APBB2: variants seen among roughly 807,000 people sequenced by gnomAD.
APBB2 encodes Fe65-like 1.
Under a neutral mutation model 82.5 loss-of-function variants are expected in APBB2, and 38 were observed. The ratio of observed to expected loss-of-function variants is 0.46; its 90% CI spans 0.36 to 0.60. APBB2 has a LOEUF of 0.60. Ranked by LOEUF, APBB2 falls within the 20% of genes least tolerant of loss-of-function variation. APBB2 has a pLI of 0.00. For missense variants in APBB2, 772 were observed against 972.3 expected, an observed-to-expected ratio of 0.79 and a Z score of 2.74; for synonymous variants, 341 against 368.2, an observed-to-expected ratio of 0.93 and a Z score of 0.85.
In APBB2 at chr4:40,826,083, CTA is replaced by C. The variant is rs1749836231; in HGVS notation, c.1733-115_1733-114del. On this transcript the variant is annotated intron_variant, in intron 14 of 17. Coordinates refer to ENST00000508593, the MANE Select transcript of APBB2 (RefSeq NM_004307.2). The surrounding 1 kb of genome is among the most constrained non-coding windows in gnomAD (Gnocchi z 4.5). Reference sequence around the variant, plus strand: ...AGGACACGCCCTGTGCCATAACGCCCTATGTTTCTGGATGTAAATGTAACAAC... The same window carrying C: ...AGGACACGCCCTGTGCCATAACGCCCTGTTTCTGGATGTAAATGTAACAAC... 3 of 781,916 alleles carry C rather than the reference CTA, an allele frequency of 3.8e-6. No individual in the cohort carries two copies. Among genetic ancestry groups the C allele is most frequent in the Non-Finnish European group, 6.9e-6 (3 of 437,532 alleles). The allele number at this position is 781,916 out of a possible 1,614,324, so 48.4% of individuals were successfully genotyped here.
intron 6 of APBB2, among the ~76,000 whole-genome samples, chr4:40,950,116 C>G (rs927394113): frequency 6.6e-6 from 1 of 152,134 alleles, no homozygotes; most frequent in Admixed American, 6.5e-5. Context: ...CTTAAAATGC[C>G]TCAAGTCACA....
At chr4:41,159,907 A>AAGGAGAAGGAGAAGGAGGAGG (rs1267899128) in intron 1 of APBB2, among the ~76,000 whole-genome samples, 20 of 35,614 alleles carry the variant, frequency 5.6e-4, no homozygotes, top group Non-Finnish European at 8.4e-4. Flanking sequence ...GAAGAAGGAG[A>AAGGAGAAGGAGAAGGAGGAGG]AGGAGGAGGA....
intron 2 of APBB2, chr4:41,118,055 A>AC (rs1193939754): frequency 1.3e-5 from 2 of 150,092 alleles, no homozygotes; most frequent in South Asian, 2.1e-4. Context: ...AAACAAAACA[A>AC]AAAAAAAAAT....
intron 10 of APBB2, among the ~76,000 whole-genome samples, chr4:40,893,893 G>C (rs1327550025): frequency 6.6e-6 from 1 of 152,112 alleles, no homozygotes; most frequent in African/African-American, 2.4e-5. Context: ...ACAATCGCTT[G>C]AACCCAGGAG....
intron 12 of APBB2, among the ~76,000 whole-genome samples, chr4:40,882,400 G>A (rs1296322607): frequency 6.6e-6 from 1 of 152,200 alleles, no homozygotes; most frequent in Non-Finnish European, 1.5e-5. Flanking sequence ...CCCAGGGCCA[G>A]GACCTAGACT....
At chr4:40,982,003 G>A (rs1798597170) in intron 6 of APBB2, among the ~76,000 whole-genome samples, 1 of 150,698 alleles carries the variant, frequency 6.6e-6, no homozygotes, top group South Asian at 2.1e-4. Context: ...TGGCCAACAT[G>A]GTGAAACCCC....
At chr4:41,129,706 A>T (rs975882602) in intron 2 of APBB2, among the ~76,000 whole-genome samples, 2 of 152,056 alleles carry the variant, frequency 1.3e-5, no homozygotes, top group African/African-American at 4.8e-5. Context: ...TTTATCAAGT[A>T]CCCAGTCCCC....
intron 5 of APBB2, among the ~76,000 whole-genome samples, chr4:41,023,727 G>A (rs190530892): frequency 6.6e-6 from 1 of 152,226 alleles, no homozygotes; most frequent in East Asian, 1.9e-4. Flanking sequence ...TGGGTAGGAA[G>A]AATTAATATA....
intron 3 of APBB2, among the ~76,000 whole-genome samples, chr4:41,076,351 C>T (rs1735648442): frequency 6.6e-6 from 1 of 152,108 alleles, no homozygotes; most frequent in Non-Finnish European, 1.5e-5. Flanking sequence ...TTTGCTAAAC[C>T]ATGAAGCTTG....
chr4:40,913,609 C>T (rs1187144435), intron 10 of APBB2, among the ~76,000 whole-genome samples: 2 of 152,162 alleles, frequency 1.3e-5, no homozygotes, highest in African/African-American at 4.8e-5. Context: ...CATTTGTGGA[C>T]ATGTACAGGG....
At chr4:40,959,378 C>A (rs1792490563) in intron 6 of APBB2, among the ~76,000 whole-genome samples, 1 of 152,116 alleles carries the variant, frequency 6.6e-6, no homozygotes, top group Non-Finnish European at 1.5e-5. Flanking sequence ...TAAATGGAGA[C>A]AATTTTCTTT....
At chr4:41,175,312 A>T (rs1237763988) in intron 1 of APBB2, among the ~76,000 whole-genome samples, 2 of 152,226 alleles carry the variant, frequency 1.3e-5, no homozygotes, top group Non-Finnish European at 2.9e-5. Flanking sequence ...TGAATTGCCA[A>T]GACATGTACA....
chr4:40,955,275 G>A (rs1791303286), intron 6 of APBB2, among the ~76,000 whole-genome samples: 1 of 152,206 alleles, frequency 6.6e-6, no homozygotes, highest in African/African-American at 2.4e-5. Context: ...CAGCATTTCT[G>A]AAAGAGGGAA....
At chr4:41,184,280 G>C (rs1383828369) in intron 1 of APBB2, among the ~76,000 whole-genome samples, 1 of 152,080 alleles carries the variant, frequency 6.6e-6, no homozygotes, top group Non-Finnish European at 1.5e-5. Flanking sequence ...CCCTGGCTGG[G>C]GGTAGAAGAC....
intron 6 of APBB2, among the ~76,000 whole-genome samples, chr4:40,978,300 A>C (rs1449957085): frequency 2.0e-5 from 3 of 152,166 alleles, no homozygotes; most frequent in Non-Finnish European, 4.4e-5. Flanking sequence ...GCTGAGATAT[A>C]ACTTAAATTT....
chr4:41,063,972 T>TC (rs1208175969), intron 4 of APBB2, among the ~76,000 whole-genome samples: 9 of 147,850 alleles, frequency 6.1e-5, no homozygotes, highest in African/African-American at 2.3e-4. Context: ...TTTTTTTTTT[T>TC]TTGAGACAGA....
At chr4:41,177,266 A>C (rs1033905460) in intron 1 of APBB2, among the ~76,000 whole-genome samples, 10 of 152,144 alleles carry the variant, frequency 6.6e-5, no homozygotes, top group African/African-American at 2.4e-4. Context: ...GACAGGAGGC[A>C]AACAAGATCT....
intron 4 of APBB2, among the ~76,000 whole-genome samples, chr4:41,055,443 G>A (rs1157479614): frequency 3.9e-5 from 6 of 152,186 alleles, no homozygotes; most frequent in Non-Finnish European, 8.8e-5. Context: ...AAGGGCTCTG[G>A]ACTGTTATTT....
intron 4 of APBB2, among the ~76,000 whole-genome samples, chr4:41,051,252 C>G (rs184558707): frequency 6.6e-4 from 101 of 152,334 alleles, no homozygotes; most frequent in Middle Eastern, 3.4e-3. Context: ...CAGCCACAAA[C>G]TGCCTCAAAA....
Sources: gnomAD v4.1 joint callset for allele counts (sites outside exome capture counted in the v4.1 genomes callset) on GRCh38, gnomAD v4.1.1 for gene constraint, Gnocchi (gnomAD v3.1) non-coding constraint, MANE v1.5 for transcripts, NCBI Gene and HGNC (gene_info 2026-07-23, HGNC 2026-07-21) for gene names.